The following SCN1A variants were observed in gnomAD, a reference collection of about 807,000 sequenced individuals.
SCN1A encodes the protein sodium channel protein type 1 subunit alpha.
SCN1A carries 13 observed loss-of-function variants against 193.7 expected under a neutral mutation model. The ratio of observed to expected loss-of-function variants is 0.07; its 90% confidence interval spans 0.04 to 0.11. The LOEUF is 0.11. Among genes scored for constraint, SCN1A ranks in the 10% least tolerant of loss-of-function variants. The pLI, the probability that SCN1A is intolerant of heterozygous loss-of-function variation, is 1.00. For missense variants in SCN1A, 1,432 were observed against 2,451.1 expected, an observed-to-expected ratio of 0.58 and a Z score of 8.78; for synonymous variants, 781 against 843.6, an observed-to-expected ratio of 0.93 and a Z score of 1.29.
rs772153573 is a variant in SCN1A at position 165,988,400 on chromosome 2, T to A, written c.*2845A>T. On this transcript the variant is annotated 3_prime_UTR_variant, in exon 29 of 29. Transcript: ENST00000674923. Reference sequence around the variant, plus strand: ...CATGAAGGGGACATTTACAAAAGTGTCAGCAATGTTAGGAGAAAGCTACAA... The same window carrying A: ...CATGAAGGGGACATTTACAAAAGTGACAGCAATGTTAGGAGAAAGCTACAA... 2 of 152,108 alleles carry A rather than the reference T, an allele frequency of 1.3e-5. No individual in the cohort carries two copies. The highest frequency in any genetic ancestry group is 2.9e-5 in the Non-Finnish European group (2 of 68,060). The allele number at this position is 152,108 out of a possible 1,614,324, so 9.4% of individuals were successfully genotyped here.
intron 1 of SCN1A, among the ~76,000 whole-genome samples, chr2:166,135,260 GA>G (rs912176704): frequency 2.0e-5 from 3 of 152,098 alleles, no homozygotes; most frequent in African/African-American, 7.2e-5. Flanking sequence ...GTTTCAATTA[GA>G]TTTTTTTAAT....
intron 2 of SCN1A, among the ~76,000 whole-genome samples, chr2:166,119,894 A>G (rs1690340819): frequency 6.6e-6 from 1 of 152,074 alleles, no homozygotes; most frequent in South Asian, 2.1e-4. Context: ...ACTAATGTAC[A>G]CTTTTATTCT....
At chr2:166,129,944 A>G (rs1382989196), upstream of SCN1A, among the ~76,000 whole-genome samples, 1 of 152,168 alleles carries the variant, frequency 6.6e-6, no homozygotes, top group Non-Finnish European at 1.5e-5. Flanking sequence ...GAGAGCCACT[A>G]CATGTGATTC....
chr2:166,048,086 A>G lies in SCN1A; in HGVS notation c.1029-318T>C, dbSNP rs1172539178. On this transcript the variant is annotated intron_variant, in intron 10 of 28. Transcript: ENST00000674923. Reference sequence around the variant, plus strand: ...TTATAGCTCAATATACTTATCTAAAAGAACAACATTGTTATTATTATATAC... The same window carrying G: ...TTATAGCTCAATATACTTATCTAAAGGAACAACATTGTTATTATTATATAC... Among the ~76,000 whole-genome samples, 2 of 146,410 alleles carry G rather than the reference A, an allele frequency of 1.4e-5. 1 individual carries two copies. The highest frequency in any genetic ancestry group is 3.0e-5 in the Non-Finnish European group (2 of 66,766).
chr2:166,053,827 C>A (rs567977809), intron 7 of SCN1A, among the ~76,000 whole-genome samples: 1 of 152,026 alleles, frequency 6.6e-6, no homozygotes, highest in East Asian at 1.9e-4. Context: ...CTTCTACACT[C>A]TACTTTCACT....
chr2:166,064,306 T>G (rs1017208663), intron 4 of SCN1A, among the ~76,000 whole-genome samples: 4 of 152,150 alleles, frequency 2.6e-5, no homozygotes, highest in Admixed American at 1.3e-4. Context: ...ATTTAGCTGG[T>G]CAGATTTTGA....
At chr2:166,012,305 T>G (rs1471439874) in intron 21 of SCN1A, 23 bp from the exon 22 acceptor site, 1 of 1,569,552 alleles carries the variant, frequency 6.4e-7, no homozygotes, top group Admixed American at 1.7e-5. Flanking sequence ...TGTTACACAT[T>G]ATTAGCTTTC....
intron 2 of SCN1A, chr2:166,081,578 T>G (rs1372591407): frequency 6.6e-6 from 1 of 151,992 alleles, no homozygotes; most frequent in East Asian, 1.9e-4. Flanking sequence ...CTGAGAAAGA[T>G]GAATGAAATT....
chr2:166,145,125 T>G (rs7421315), intron 1 of SCN1A, among the ~76,000 whole-genome samples: 1 of 101,220 alleles, frequency 9.9e-6, no homozygotes, highest in Admixed American at 8.3e-5. Context: ...CGTGAGCCAC[T>G]GCACCTGGCC....
intron 2 of SCN1A, among the ~76,000 whole-genome samples, chr2:166,101,802 T>A (rs914731177): frequency 6.6e-6 from 1 of 152,032 alleles, no homozygotes; most frequent in South Asian, 2.1e-4. Flanking sequence ...ATACCTCGAT[T>A]AAGGCCTTGG....
intron 2 of SCN1A, among the ~76,000 whole-genome samples, chr2:166,124,159 T>C (rs1187020562): frequency 2.0e-5 from 3 of 152,198 alleles, no homozygotes; most frequent in Non-Finnish European, 4.4e-5. Flanking sequence ...GAAAGCTGCA[T>C]GTGGGTAGGA....
At chr2:166,039,622 A>T in intron 16 of SCN1A, 26 bp from the exon 17 acceptor site, 3 of 1,590,158 alleles carry the variant, frequency 1.9e-6, no homozygotes, top group Non-Finnish European at 2.6e-6. Context: ...AATTAATCTA[A>T]TTCCACCAGA....
intron 19 of SCN1A, among the ~76,000 whole-genome samples, chr2:166,025,444 C>T (rs1694632452): frequency 6.6e-6 from 1 of 152,092 alleles, no homozygotes; most frequent in Non-Finnish European, 1.5e-5. Context: ...CATATCTTTT[C>T]AGCTTCCTCT....
chr2:166,035,980 T>A (rs1696284658), intron 19 of SCN1A, 68 bp downstream of exon 19: 2 of 1,475,842 alleles, frequency 1.4e-6, no homozygotes, highest in East Asian at 2.3e-5. Flanking sequence ...AAGCTGAGGA[T>A]CATCTGTATG....
rs121918782 is a variant in SCN1A, at chr2:166,041,277, T to A, written c.2369A>T (p.Tyr790Phe). ...ATTATTGAAATGGTCCGTCATTGGA[T>A]AGTGCTCCATGGCCATGAAAAGAGT... ...LNTLFMAMEH[Y>F]PMTDHFNNVL... The change falls in exon 16 of 29, where the codon TAT (tyrosine) becomes TTT (phenylalanine). Residue 790 changes from tyrosine to phenylalanine, a missense_variant. Transcript: ENST00000674923. The A allele has an allele frequency of 1.2e-5, 20 of 1,613,930 alleles. No individual in the cohort carries two copies. The highest frequency in any genetic ancestry group is 1.3e-5 in the African/African-American group (1 of 74,946).
intron 2 of SCN1A, among the ~76,000 whole-genome samples, chr2:166,091,129 G>C (rs1686756199): frequency 6.6e-6 from 1 of 152,204 alleles, no homozygotes; most frequent in Non-Finnish European, 1.5e-5. Flanking sequence ...TTACACAATG[G>C]ATAGCTTTGC....
chr2:166,013,593 T>C (rs1410649254), intron 21 of SCN1A, 151 bp downstream of exon 21: 7 of 688,292 alleles, frequency 1.0e-5, no homozygotes, highest in Admixed American at 5.1e-5. Context: ...TCCAGAAATA[T>C]AGAGTTATAG....
intron 26 of SCN1A, 60 bp downstream of exon 26, chr2:165,997,978 A>G (rs1690308953): frequency 7.1e-7 from 1 of 1,405,980 alleles, no homozygotes; most frequent in African/African-American, 1.4e-5. Flanking sequence ...TTTGGCAGAG[A>G]AAACACTCCA....
intron 2 of SCN1A, among the ~76,000 whole-genome samples, chr2:166,090,758 A>G (rs1451330056): frequency 1.3e-5 from 2 of 152,250 alleles, no homozygotes; most frequent in Non-Finnish European, 2.9e-5. Context: ...CAGCTAATGA[A>G]TAATTGTTAA....
Sources: allele counts gnomAD v4.1 joint callset (sites outside exome capture counted in the v4.1 genomes callset), GRCh38; gene constraint gnomAD v4.1.1; transcripts MANE v1.5; gene names NCBI Gene and HGNC (gene_info 2026-07-23, HGNC 2026-07-21).